Variants in RAVER1 observed in about 807,000 individuals in gnomAD.
RAVER1 encodes ribonucleoprotein, PTB binding 1, also known as ribonucleoprotein PTB-binding 1.
RAVER1 carries 36 observed loss-of-function variants against 68.4 expected under a neutral mutation model. The observed-to-expected ratio is 0.53, with a 90% confidence interval of 0.40 to 0.70. The LOEUF is 0.70. RAVER1 is among the 30% of genes least tolerant of loss of function. The pLI is 0.00. For synonymous variants in RAVER1, 469 were observed against 472.7 expected (o/e 0.99, Z 0.10); for missense variants, 933 against 1,019.8 (o/e 0.91, Z 1.16).
chr19:10,329,113 T>TGCGGTGGGAGGAGG lies in RAVER1; in HGVS notation c.287-16_287-3dup. 6.8e-7 allele frequency: 1 copy of TGCGGTGGGAGGAGG among 1,463,138 alleles called. No homozygotes were observed. Among genetic ancestry groups the TGCGGTGGGAGGAGG allele is most frequent in the Non-Finnish European group, 9.1e-7 (1 of 1,103,388 alleles). 90.6% of individuals were successfully genotyped at this position (1,463,138 alleles called of 1,614,324 possible). A position where few individuals can be genotyped will look rare whatever the true frequency, so the allele number is the denominator to read the frequency against. On this transcript the variant is annotated splice_region_variant and splice_polypyrimidine_tract_variant and intron_variant, in intron 2 of 12. Coordinates refer to ENST00000617231, the MANE Select transcript of RAVER1 (RefSeq NM_133452.3). This position sits in a 1 kb window ranked among gnomAD's most constrained non-coding sequence, Gnocchi z 4.6. ...CCCCATTCAGCAGGGTCACGAAGGC[T>TGCGGTGGGAGGAGG]GCGGTGGGAGGAGGGCAGTGCGAGG...
rs2040443801 is a variant in RAVER1, at chr19:10,322,304, CAG to C, written c.1173+339_1173+340del. The C allele has an allele frequency of 3.1e-6, 1 of 323,256 alleles. No individual in the cohort carries two copies. The highest frequency in any genetic ancestry group is 5.7e-6 in the Non-Finnish European group (1 of 176,524). 20.0% of individuals were successfully genotyped at this position (323,256 alleles called of 1,614,324 possible). A position where few individuals can be genotyped will look rare whatever the true frequency, so the allele number is the denominator to read the frequency against. On this transcript the variant is annotated intron_variant, in intron 6 of 12. Transcript: ENST00000617231. The surrounding 1 kb of genome is among the most constrained non-coding windows in gnomAD (Gnocchi z 4.3). Reference sequence around the variant, plus strand: ...CAGGCATGTCTATAGAGCTTCCGAGCAGAGTCTATTCACAAACTGGTGCCCAG... The same window carrying C: ...CAGGCATGTCTATAGAGCTTCCGAGCAGTCTATTCACAAACTGGTGCCCAG...
chr19:10,326,764 T>G (rs534734436), intron 3 of RAVER1, among the ~76,000 whole-genome samples: 1 of 150,242 alleles, frequency 6.7e-6, no homozygotes, highest in East Asian at 1.9e-4. Flanking sequence ...TGTTTTTTTT[T>G]TTTTTTTTTT....
At position 10,320,983 on chromosome 19, in the gene RAVER1, C is replaced by T. The variant is rs574739031; in HGVS notation, c.1474-32G>A. On this transcript the variant is annotated intron_variant, in intron 8 of 12. Coordinates refer to ENST00000617231, the MANE Select transcript of RAVER1 (RefSeq NM_133452.3). ...CGGGAAGGCAGGATTCGAGAGGGCC[C>T]CCGGGAGAGGGAACCCTGCGGAACA... The T allele has an allele frequency of 1.3e-4, 195 of 1,486,058 alleles. No homozygotes were observed. The South Asian group carries it at 2.4e-3, about 19-fold the overall frequency. The allele number at this position is 1,486,058 out of a possible 1,614,324, so 92.1% of individuals were successfully genotyped here. A position where few individuals can be genotyped will look rare whatever the true frequency, so the allele number is the denominator to read the frequency against.
chr19:10,323,341 C>T lies in RAVER1; in HGVS notation c.948+34G>A, dbSNP rs761835778. On this transcript the variant is annotated intron_variant, in intron 4 of 12. Coordinates refer to ENST00000617231, the MANE Select transcript of RAVER1 (RefSeq NM_133452.3). This position sits in a 1 kb window ranked among gnomAD's most constrained non-coding sequence, Gnocchi z 6.2. The stretch of plus-strand genomic sequence containing the variant: ...CCTGACATCCCCATGGGGCTCCCAT[C>T]CCCACCCCGCCACCTCTGCCCGCAC... 2.5e-6 allele frequency: 4 copies of T among 1,607,862 alleles called. No homozygotes were observed. In the Admixed American group the frequency reaches 5.1e-5, roughly 20 times the overall value.
In RAVER1 at chr19:10,317,407, A is replaced by G; in HGVS notation, c.*47T>C. On this transcript the variant is annotated 3_prime_UTR_variant, in exon 13 of 13. Transcript: ENST00000617231. The surrounding 1 kb of genome is among the most constrained non-coding windows in gnomAD (Gnocchi z 4.3). ...CACAAAACAAAACATCAGAAAACCCAAAAGCGATTTGGTGCAGGCCCTTGA... is the reference window on the plus strand; with the variant it reads ...CACAAAACAAAACATCAGAAAACCCGAAAGCGATTTGGTGCAGGCCCTTGA... 1 of 1,597,866 alleles carries G rather than the reference A, an allele frequency of 6.3e-7. No homozygotes were observed. The highest frequency in any genetic ancestry group is 1.1e-5 in the South Asian group (1 of 89,414).
intron 3 of RAVER1, among the ~76,000 whole-genome samples, chr19:10,327,812 T>G (rs574413299): frequency 6.6e-6 from 1 of 152,314 alleles, no homozygotes; most frequent in East Asian, 1.9e-4. Flanking sequence ...CCCTTTGGGA[T>G]CTCTGGGGAT....
chr19:10,333,161 G>T lies in RAVER1; in HGVS notation c.219+128C>A. On this transcript the variant is annotated intron_variant, in intron 1 of 12. Transcript: ENST00000617231. The surrounding 1 kb of genome is among the most constrained non-coding windows in gnomAD (Gnocchi z 4.2). ...CGCTCTTGGTCTCTCCCGATCCCGC[G>T]TGGATCCGGTGCTTGGGCGCCCCCG... The T allele has an allele frequency of 1.1e-6, 1 of 888,882 alleles. No homozygotes were observed. The allele number at this position is 888,882 out of a possible 1,614,324, so 55.1% of individuals were successfully genotyped here.
Position 10,323,494 on chromosome 19 carries a change from C to A in RAVER1, c.829G>T (p.Glu277Ter). The change falls in exon 4 of 13, where the codon GAG becomes TAG. Residue 277 changes from glutamate (E) to a stop codon, truncating the protein, a stop_gained. Transcript: ENST00000617231. LOFTEE classifies it high-confidence loss of function. The surrounding 1 kb of genome is among the most constrained non-coding windows in gnomAD (Gnocchi z 6.2). Reference sequence around the variant, plus strand: ...AGGCCGTCCGCCTGCTGCTGTGCCTCCTCCGCCATCTCAGCCGTCTCATAC... The same window carrying A: ...AGGCCGTCCGCCTGCTGCTGTGCCTACTCCGCCATCTCAGCCGTCTCATAC... ...LEYETAEMAE[E>*]AQQQADGLSL... 3 of 1,609,558 alleles carry A rather than the reference C, an allele frequency of 1.9e-6. No homozygotes were observed. The highest frequency in any genetic ancestry group is 2.5e-6 in the Non-Finnish European group (3 of 1,179,680).
At chr19:10,318,450 C>T in intron 10 of RAVER1, 78 bp from the exon 11 acceptor site, 2 of 1,109,674 alleles carry the variant, frequency 1.8e-6, no homozygotes, top group Non-Finnish European at 2.6e-6. Flanking sequence ...CCTCTGCCTC[C>T]CAGGTTCAAG....
rs1765414545 is a variant in RAVER1, at chr19:10,322,953, G to C, written c.1078+192C>G. Among the ~76,000 whole-genome samples the C allele has an allele frequency of 6.6e-6, 1 of 152,136 alleles. No individual in the cohort carries two copies. The highest frequency in any genetic ancestry group is 6.5e-5 in the Admixed American group (1 of 15,274). On this transcript the variant is annotated intron_variant, in intron 5 of 12. Transcript: ENST00000617231. This position sits in a 1 kb window ranked among gnomAD's most constrained non-coding sequence, Gnocchi z 4.3. ...TTGTCAGCACCCCACCTCACTGCAGGCTGCTGTGTGGCCCTGGTCCCGGCC... is the reference window on the plus strand; with the variant it reads ...TTGTCAGCACCCCACCTCACTGCAGCCTGCTGTGTGGCCCTGGTCCCGGCC...
chr19:10,325,886 C>T (rs7507634), intron 3 of RAVER1, among the ~76,000 whole-genome samples: 13,745 of 152,072 alleles, frequency 0.09, 854 homozygotes, highest in Admixed American at 0.18. Context: ...CTGCCAGCCC[C>T]ATTTTGAGAT....
chr19:10,323,146 C>T lies in RAVER1; in HGVS notation c.1077G>A (p.Gln359=), dbSNP rs1056192980. The change falls in exon 5 of 13, where the codon CAG becomes CAA. Residue 359 remains glutamine, a splice_region_variant and synonymous_variant. Transcript: ENST00000617231. The surrounding 1 kb of genome is among the most constrained non-coding windows in gnomAD (Gnocchi z 6.2). ...PLLHGSAGGK[Q]GLLGAPPAMP... Reference sequence around the variant, plus strand: ...GGCCCCTGTCCAGCCCCACCTTACCCTGCTTCCCCCCCGCACTGCCATGGA... The same window carrying T: ...GGCCCCTGTCCAGCCCCACCTTACCTTGCTTCCCCCCCGCACTGCCATGGA... The T allele has an allele frequency of 3.1e-6, 5 of 1,591,992 alleles. No individual in the cohort carries two copies. The African/African-American group carries it at 6.7e-5, about 21-fold the overall frequency.
intron 2 of RAVER1, among the ~76,000 whole-genome samples, chr19:10,330,121 C>CAA (rs548215492): frequency 4.7e-5 from 4 of 85,224 alleles, no homozygotes; most frequent in South Asian, 3.8e-4. Flanking sequence ...GACTCCATCT[C>CAA]AAAAAAAAAA....
At chr19:10,321,711 C>T in intron 6 of RAVER1, 93 bp from the exon 7 acceptor site, 1 of 1,029,988 alleles carries the variant, frequency 9.7e-7, no homozygotes, top group Non-Finnish European at 1.3e-6. Flanking sequence ...CACACCCCAA[C>T]TCCAGGGCAC....
In RAVER1 at chr19:10,319,165, C is replaced by A; in HGVS notation, c.1845+1G>T. On this transcript the variant is annotated splice_donor_variant, in intron 10 of 12. Transcript: ENST00000617231. LOFTEE classifies it high-confidence loss of function. ...CACATGCCATACCAGGTGGCTCTTA[C>A]CTTGTGTCGGCTGGGTCCGTGAGGC... 1 of 1,613,820 alleles carries A rather than the reference C, an allele frequency of 6.2e-7. No homozygotes were observed. The highest frequency in any genetic ancestry group is 8.5e-7 in the Non-Finnish European group (1 of 1,179,734).
chr19:10,324,310 GC>G (rs2040460569), intron 3 of RAVER1, among the ~76,000 whole-genome samples: 2 of 152,188 alleles, frequency 1.3e-5, no homozygotes, highest in African/African-American at 2.4e-5. Context: ...GCAGGTAGCA[GC>G]CCTTCACCTC....
intron 10 of RAVER1, 137 bp from the exon 11 acceptor site, chr19:10,318,509 C>T: frequency 1.6e-6 from 1 of 624,994 alleles, no homozygotes; most frequent in South Asian, 2.1e-5. Context: ...CAGGCATGCG[C>T]CACCATGCCC....
chr19:10,322,709 A>G lies in RAVER1; in HGVS notation c.1109T>C (p.Leu370Pro), dbSNP rs2040446929. The G allele has an allele frequency of 3.9e-6, 6 of 1,525,512 alleles. No individual in the cohort carries two copies. In the South Asian group the frequency reaches 5.2e-5, roughly 13 times the overall value. The allele number at this position is 1,525,512 out of a possible 1,614,324, so 94.5% of individuals were successfully genotyped here. The change falls in exon 6 of 13, where the codon CTG becomes CCG. Residue 370 changes from leucine (L) to proline (P), a missense_variant. Physicochemically the swap from Leu to Pro is moderately conservative, Grantham distance 98 (BLOSUM62 -3). Coordinates refer to ENST00000617231, the MANE Select transcript of RAVER1 (RefSeq NM_133452.3). This position sits in a 1 kb window ranked among gnomAD's most constrained non-coding sequence, Gnocchi z 4.3. Reference sequence around the variant, plus strand: ...CGTGGACAGGGCTGGCCCATTGAGCAGCGGCATGGCTGGGGGGGCACCCAG... The same window carrying G: ...CGTGGACAGGGCTGGCCCATTGAGCGGCGGCATGGCTGGGGGGGCACCCAG... ...GLLGAPPAMP[L>P]LNGPALSTAL... is the part of the protein sequence containing the mutation.
Position 10,320,935 on chromosome 19 carries a change from T to C in RAVER1, c.1490A>G (p.Glu497Gly). The C allele has an allele frequency of 6.7e-7, 1 of 1,490,360 alleles. No individual in the cohort carries two copies. Among genetic ancestry groups the C allele is most frequent in the Admixed American group, 2.5e-5 (1 of 39,694 alleles). 92.3% of individuals were successfully genotyped at this position (1,490,360 alleles called of 1,614,324 possible). A position where few individuals can be genotyped will look rare whatever the true frequency, so the allele number is the denominator to read the frequency against. Reference protein sequence around the residue: ...PTPPGVSLLGEPPKDYRIPLN... With the variant: ...PTPPGVSLLGGPPKDYRIPLN... ...GGGAATCCGGTAGTCCTTGGGGGGC[T>C]CCCCCAGCAGTGAGACCTGTGGCGG... is the stretch of plus-strand genomic sequence containing the variant. The change falls in exon 9 of 13, where the codon GAG becomes GGG. Residue 497 changes from glutamate (E) to glycine (G), a missense_variant. Physicochemically the swap from Glu to Gly is moderately conservative, Grantham distance 98. Transcript: ENST00000617231.
Sources: gnomAD v4.1 joint callset for allele counts (sites outside exome capture counted in the v4.1 genomes callset) on GRCh38, gnomAD v4.1.1 for gene constraint, Gnocchi (gnomAD v3.1) non-coding constraint, MANE v1.5 for transcripts, NCBI Gene and HGNC (gene_info 2026-07-23, HGNC 2026-07-21) for gene names.